ASIC3: variants seen among roughly 807,000 people sequenced by gnomAD.
The protein encoded by ASIC3 is acid sensing ion channel subunit 3.
ASIC3 carries 46 observed loss-of-function variants against 58.6 expected under a neutral mutation model. That is an observed-to-expected ratio of 0.79 (90% confidence interval 0.62 to 1.00). The LOEUF is 1.00. Ranked by LOEUF, ASIC3 falls within the 50% of genes least tolerant of loss-of-function variation. The probability of loss-of-function intolerance (pLI) is 0.00; values close to 1 mark genes in which losing one functional copy is unlikely to be tolerated. For synonymous variants in ASIC3, 336 were observed against 300.2 expected (o/e 1.12, Z -1.23); for missense variants, 770 against 735.0 (o/e 1.05, Z -0.55).
Position 151,048,572 on chromosome 7 carries a change from C to G in ASIC3, c.-314C>G. 1 of 393,426 alleles carries G rather than the reference C, an allele frequency of 2.5e-6. No individual in the cohort carries two copies. Among genetic ancestry groups the G allele is most frequent in the Non-Finnish European group, 4.6e-6 (1 of 219,718 alleles). 24.4% of individuals were successfully genotyped at this position (393,426 alleles called of 1,614,324 possible). On this transcript the variant is annotated 5_prime_UTR_variant, in exon 1 of 11. Coordinates refer to ENST00000349064, the MANE Select transcript of ASIC3 (RefSeq NM_004769.4). ...GCTCAGCACCGCCGGCTCAGCACCG[C>G]TCCGCAGCCCCTGCCTGCCACGGTC...
Position 151,049,159 on chromosome 7 carries a change from T to C in ASIC3, c.274T>C (p.Cys92Arg). 1 of 1,613,806 alleles carries C rather than the reference T, an allele frequency of 6.2e-7. No homozygotes were observed. The highest frequency in any genetic ancestry group is 8.5e-7 in the Non-Finnish European group (1 of 1,179,894). Residue 92 changes from cysteine (C) to arginine (R), a missense_variant, in exon 1 of 11, where the codon TGC (cysteine) becomes CGC (arginine). Cys to Arg is a radical substitution (Grantham distance 180, BLOSUM62 -3). Coordinates refer to ENST00000349064, the MANE Select transcript of ASIC3 (RefSeq NM_004769.4). ...GCTCATCTTCCCGGCTGTCACCCTG[T>C]GCAACATCAACCCACTGCGCCGCTC... Reference protein sequence around the residue: ...HRLIFPAVTLCNINPLRRSRL... With the variant: ...HRLIFPAVTLRNINPLRRSRL...
chr7:151,052,509 G>A lies in ASIC3; in HGVS notation c.1517+35G>A. The A allele has an allele frequency of 6.2e-7, 1 of 1,613,848 alleles. No homozygotes were observed. Among genetic ancestry groups the A allele is most frequent in the Non-Finnish European group, 8.5e-7 (1 of 1,179,878 alleles). ...AATGGCCCCCTAAAATCAAGGGAGGGCAGGGGCAGGCTCAGGACAGTGGGT... is the reference window on the plus strand; with the variant it reads ...AATGGCCCCCTAAAATCAAGGGAGGACAGGGGCAGGCTCAGGACAGTGGGT... On this transcript the variant is annotated intron_variant, in intron 10 of 10. Coordinates refer to ENST00000349064, the MANE Select transcript of ASIC3 (RefSeq NM_004769.4). This position sits in a 1 kb window ranked among gnomAD's most constrained non-coding sequence, Gnocchi z 5.0.
At chr7:151,051,457 G>C (rs963624902) in intron 6 of ASIC3, 138 bp downstream of exon 6, 4 of 1,151,424 alleles carry the variant, frequency 3.5e-6, no homozygotes, top group African/African-American at 1.6e-5. Context: ...CTGGGGCTCC[G>C]TGCTGGTTGC....
rs1370243992 is a variant in ASIC3 at position 151,050,482 on chromosome 7, G to A, written c.687G>A (p.Glu229=). 6.2e-7 allele frequency: 1 copy of A among 1,613,632 alleles called. No individual in the cohort carries two copies. The highest frequency in any genetic ancestry group is 1.3e-5 in the African/African-American group (1 of 74,892). ...GCCTCACAGGTCCCTCCCCGACAGA[G>A]GAGACCCCGTTTGAGGTGGGGATCC... The part of the protein sequence containing the change: ...EEYLPVWRDN[E]ETPFEVGIRV... Residue 229 remains glutamate, a splice_region_variant and synonymous_variant, in exon 3 of 11, where the codon GAG becomes GAA. Coordinates refer to ENST00000349064, the MANE Select transcript of ASIC3 (RefSeq NM_004769.4).
At chr7:151,049,971 C>G in intron 1 of ASIC3, 135 bp from the exon 2 acceptor site, 1 of 1,156,578 alleles carries the variant, frequency 8.6e-7, no homozygotes, top group Non-Finnish European at 1.2e-6. Context: ...CCCACTGGAG[C>G]GTGGGGCTGG....
Position 151,052,318 on chromosome 7 carries a change from C to A in ASIC3, c.1458+81C>A. Reference sequence around the variant, plus strand: ...CTGAAGCCTAGACCACCATCCCGCCCCAGCTGAGGAGAAACAGGCAGGAGG... The same window carrying A: ...CTGAAGCCTAGACCACCATCCCGCCACAGCTGAGGAGAAACAGGCAGGAGG... On this transcript the variant is annotated intron_variant, in intron 9 of 10. Transcript: ENST00000349064. The surrounding 1 kb of genome is among the most constrained non-coding windows in gnomAD (Gnocchi z 5.0). The A allele has an allele frequency of 1.2e-6, 2 of 1,612,580 alleles. No homozygotes were observed. The highest frequency in any genetic ancestry group is 2.2e-5 in the South Asian group (2 of 91,026).
At chr7:151,051,924 G>A (rs1157404471) in intron 7 of ASIC3, 23 bp downstream of exon 7, 1 of 1,613,396 alleles carries the variant, frequency 6.2e-7, no homozygotes, top group Non-Finnish European at 8.5e-7. Context: ...GGCCCCCAGG[G>A]CTGGGGGGGT....
Position 151,050,271 on chromosome 7 carries a change from A to G in ASIC3, c.685+15A>G, listed in dbSNP as rs775981119. 4 of 1,606,830 alleles carry G rather than the reference A, an allele frequency of 2.5e-6. No homozygotes were observed. In the South Asian group the frequency reaches 3.3e-5, roughly 13 times the overall value. On this transcript the variant is annotated intron_variant, in intron 2 of 10. Transcript: ENST00000349064. ...GAGGGACAATGGTAGGGAGCACACA[A>G]ATGAGGCTGGGGGAGGGCACGGATG...
chr7:151,048,764 C>T lies in ASIC3; in HGVS notation c.-122C>T. On this transcript the variant is annotated 5_prime_UTR_variant, in exon 1 of 11. Coordinates refer to ENST00000349064, the MANE Select transcript of ASIC3 (RefSeq NM_004769.4). The stretch of plus-strand genomic sequence containing the variant: ...GCCTTCCAACCTTGGCTGTCTCCCA[C>T]CCTCTCTTCTCCTCTCCTTGCCTGG... 1 of 1,268,088 alleles carries T rather than the reference C, an allele frequency of 7.9e-7. No individual in the cohort carries two copies. Among genetic ancestry groups the T allele is most frequent in the Non-Finnish European group, 1.1e-6 (1 of 915,630 alleles). The allele number at this position is 1,268,088 out of a possible 1,614,324, so 78.6% of individuals were successfully genotyped here. A position where few individuals can be genotyped will look rare whatever the true frequency, so the allele number is the denominator to read the frequency against.
At chr7:151,051,130 C>T (rs755276320) in intron 5 of ASIC3, 35 bp downstream of exon 5, 8 of 1,601,108 alleles carry the variant, frequency 5.0e-6, no homozygotes, top group South Asian at 1.1e-5. Context: ...CCGTCCGCCC[C>T]GCTCCGCCCG....
At chr7:151,051,142 G>C (rs772300980) in intron 5 of ASIC3, 30 bp from the exon 6 acceptor site, 1 of 1,599,374 alleles carries the variant, frequency 6.3e-7, no homozygotes, top group South Asian at 1.1e-5. Context: ...CTCCGCCCGC[G>C]GGCGTCTGAC....
chr7:151,049,226 T>C lies in ASIC3; in HGVS notation c.341T>C (p.Leu114Pro). 1.2e-6 allele frequency: 2 copies of C among 1,612,104 alleles called. No homozygotes were observed. The change falls in exon 1 of 11, where the codon CTG becomes CCG. Residue 114 changes from leucine (L) to proline (P), a missense_variant. Transcript: ENST00000349064. ...PNDLHWAGSA[L>P]LGLDPAEHAA... Reference sequence around the variant, plus strand: ...GACCTGCACTGGGCTGGGTCTGCGCTGCTGGGCCTGGATCCCGCAGAGCAC... The same window carrying C: ...GACCTGCACTGGGCTGGGTCTGCGCCGCTGGGCCTGGATCCCGCAGAGCAC...
At position 151,050,774 on chromosome 7, in the gene ASIC3, C is replaced by T. The variant is rs746657424; in HGVS notation, c.830C>T (p.Pro277Leu). 11 of 1,613,400 alleles carry T rather than the reference C, an allele frequency of 6.8e-6. No individual in the cohort carries two copies. The highest frequency in any genetic ancestry group is 2.7e-5 in the African/African-American group (2 of 74,880). Residue 277 changes from proline to leucine, a missense_variant, in exon 4 of 11, where the codon CCG becomes CTG. Transcript: ENST00000349064. ...CQQQQLSFLP[P>L]PWGDCSSASL... is the part of the protein sequence containing the mutation. ...CCCCCACAGCTGAGCTTCCTGCCAC[C>T]GCCCTGGGGCGATTGCAGTTCAGCA...
At position 151,049,176 on chromosome 7, in the gene ASIC3, G is replaced by GCGC. The variant is rs764745996; in HGVS notation, c.295_297dup (p.Arg99dup). On this transcript the variant is annotated inframe_insertion, in exon 1 of 11. Transcript: ENST00000349064. ...TCACCCTGTGCAACATCAACCCACT[G>GCGC]CGCCGCTCGCGCCTAACGCCCAACG... 6.2e-7 allele frequency: 1 copy of GCGC among 1,613,694 alleles called. No homozygotes were observed. The highest frequency in any genetic ancestry group is 8.5e-7 in the Non-Finnish European group (1 of 1,179,840).
chr7:151,050,449 C>G, intron 2 of ASIC3, 32 bp from the exon 3 acceptor site: 3 of 1,609,352 alleles, frequency 1.9e-6, no homozygotes, highest in Non-Finnish European at 2.5e-6. Flanking sequence ...CCTGACCACA[C>G]AGGTCAGGCC....
rs1796691666 is a variant in ASIC3, at chr7:151,048,915, C to T, written c.30C>T (p.Ala10=). MKPTSGPEE[A]RRPASDIRVF... ...AGCCCACCTCAGGCCCAGAGGAGGC[C>T]CGGCGGCCAGCCTCGGACATCCGCG... The change falls in exon 1 of 11, where the codon GCC becomes GCT. Residue 10 remains alanine (A), a synonymous_variant. Coordinates refer to ENST00000349064, the MANE Select transcript of ASIC3 (RefSeq NM_004769.4). 2 of 1,560,310 alleles carry T rather than the reference C, an allele frequency of 1.3e-6. No homozygotes were observed. The highest frequency in any genetic ancestry group is 1.4e-5 in the African/African-American group (1 of 74,052).
chr7:151,050,162 G>C lies in ASIC3; in HGVS notation c.591G>C (p.Glu197Asp). Residue 197 changes from glutamate (E) to aspartate (D), a missense_variant, in exon 2 of 11, where the codon GAG (glutamate) becomes GAC (aspartate). Glu to Asp is a conservative substitution (Grantham distance 45). Coordinates refer to ENST00000349064, the MANE Select transcript of ASIC3 (RefSeq NM_004769.4). ...YTFNSGADGA[E>D]LLTTTRGGMG... The stretch of plus-strand genomic sequence containing the variant: ...TTAACTCTGGCGCTGATGGGGCAGA[G>C]CTGCTCACCACTACTAGGGGTGGCA... 2.5e-6 allele frequency: 4 copies of C among 1,614,212 alleles called. No homozygotes were observed. The highest frequency in any genetic ancestry group is 3.4e-6 in the Non-Finnish European group (4 of 1,180,028).
rs1344837106 is a variant in ASIC3 at position 151,052,743 on chromosome 7, C to T, written c.*91C>T. On this transcript the variant is annotated 3_prime_UTR_variant, in exon 11 of 11. Transcript: ENST00000349064. This position sits in a 1 kb window ranked among gnomAD's most constrained non-coding sequence, Gnocchi z 5.0. ...TTTCCGTCTTCACCCCAAATAAAGT[C>T]CTAATGCATCAGCCTCAGCTGTTTC... 3.1e-6 allele frequency: 5 copies of T among 1,613,376 alleles called. No homozygotes were observed. Among genetic ancestry groups the T allele is most frequent in the South Asian group, 1.1e-5 (1 of 91,036 alleles).
At chr7:151,049,933 G>A (rs1796726927) in intron 1 of ASIC3, 173 bp from the exon 2 acceptor site, 1 of 791,450 alleles carries the variant, frequency 1.3e-6, no homozygotes, top group African/African-American at 1.7e-5. Context: ...TGAGTTGATG[G>A]GCTCCCAAGA....
Sources: allele counts gnomAD v4.1 joint callset, GRCh38; gene constraint gnomAD v4.1.1; non-coding constraint Gnocchi (gnomAD v3.1); transcripts MANE v1.5; gene names NCBI Gene and HGNC (gene_info 2026-07-23, HGNC 2026-07-21).